FAM217A: variants seen among roughly 807,000 people sequenced by gnomAD.
FAM217A encodes protein FAM217A.
Under a neutral mutation model 18.5 loss-of-function variants are expected in FAM217A, and 13 were observed. The observed-to-expected ratio is 0.70, with a 90% confidence interval of 0.46 to 1.12. The LOEUF is 1.12. Ranked by LOEUF, FAM217A falls within the 50% of genes most tolerant of loss-of-function variation. FAM217A has a pLI of 0.00. For synonymous variants in FAM217A, 161 were observed against 202.8 expected, an observed-to-expected ratio of 0.79 and a Z score of 1.75; for missense variants, 560 against 575.4, an observed-to-expected ratio of 0.97 and a Z score of 0.27.
At chr6:4,079,619 G>GCCCCCCCCCCCCCCCCCCCCC, upstream of FAM217A, 2 of 1,281,930 alleles carry the variant, frequency 1.6e-6, no homozygotes, top group East Asian at 1.2e-4. Flanking sequence ...CCGGGGCCCG[G>GCCCCCCCCCCCCCCCCCCCCC]CCCACCCGCC....
chr6:4,073,036 TC>T (rs1769531477), intron 6 of FAM217A, among the ~76,000 whole-genome samples: 1 of 152,212 alleles, frequency 6.6e-6, no homozygotes, highest in African/African-American at 2.4e-5. Context: ...CCATACTTTA[TC>T]CATCTAAAAC....
Position 4,068,645 on chromosome 6 carries a change from T to C in FAM217A, c.*51A>G, listed in dbSNP as rs1252051367. ...TTGGAATAATTAACCATATCTTAGTTGGGCTTCTTAGAGTAGATGTGTTCA... is the reference window on the plus strand; with the variant it reads ...TTGGAATAATTAACCATATCTTAGTCGGGCTTCTTAGAGTAGATGTGTTCA... On this transcript the variant is annotated 3_prime_UTR_variant, in exon 7 of 7. Transcript: ENST00000274673. 1.3e-6 allele frequency: 2 copies of C among 1,519,616 alleles called. No individual in the cohort carries two copies. The highest frequency in any genetic ancestry group is 4.5e-5 in the Admixed American group (2 of 44,746). The allele number at this position is 1,519,616 out of a possible 1,614,324, so 94.1% of individuals were successfully genotyped here. A position where few individuals can be genotyped will look rare whatever the true frequency, so the allele number is the denominator to read the frequency against.
chr6:4,074,225 A>G lies in FAM217A; in HGVS notation c.159+218T>C, dbSNP rs182970363. Among the ~76,000 whole-genome samples the G allele has an allele frequency of 3.8e-3, 577 of 152,316 alleles. 4 individuals carry two copies. The highest frequency in any genetic ancestry group is 6.4e-3 in the Non-Finnish European group (432 of 68,026). On this transcript the variant is annotated intron_variant, in intron 4 of 6. Coordinates refer to ENST00000274673, the MANE Select transcript of FAM217A (RefSeq NM_173563.3). ...CTAAAAAATACTATACTCAATTTTC[A>G]TTTATATTATTGTTATACTGAAAAA...
intron 6 of FAM217A, among the ~76,000 whole-genome samples, chr6:4,072,948 A>G (rs1769526763): frequency 6.6e-6 from 1 of 152,200 alleles, no homozygotes; most frequent in African/African-American, 2.4e-5. Flanking sequence ...ATGAATTACT[A>G]CATATAAGGA....
In FAM217A at chr6:4,069,027, T is replaced by G; in HGVS notation, c.1196A>C (p.Tyr399Ser). The G allele has an allele frequency of 6.2e-7, 1 of 1,613,886 alleles. No individual in the cohort carries two copies. Among genetic ancestry groups the G allele is most frequent in the Non-Finnish European group, 8.5e-7 (1 of 1,179,958 alleles). The change falls in exon 7 of 7, where the codon TAT becomes TCT. Residue 399 changes from tyrosine (Y) to serine (S), a missense_variant. Physicochemically the swap from Tyr to Ser is moderately radical, Grantham distance 144 (BLOSUM62 -2). Coordinates refer to ENST00000274673, the MANE Select transcript of FAM217A (RefSeq NM_173563.3). ...AATAGAACTTTTGGGATTCTTATCA[T>G]AAGTTTCAATCAATTGTTTTGGGGT... ...SSTPKQLIET[Y>S]DKNPKSSILS...
Position 4,068,727 on chromosome 6 carries a change from T to C in FAM217A, c.1496A>G (p.Asp499Gly), listed in dbSNP as rs371477063. Residue 499 changes from aspartate to glycine, a missense_variant, in exon 7 of 7, where the codon GAT (aspartate) becomes GGT (glycine). Physicochemically the swap from Asp to Gly is moderately conservative, Grantham distance 94. Transcript: ENST00000274673. ...TTGTTCAATGGGTGAGCAGCACTTA[T>C]CCTTAGCAATAAGGGAAGGCGACAA... is the stretch of plus-strand genomic sequence containing the variant. ...NCLSPSLIAK[D>G]KCCSPIEQK 2.4e-5 allele frequency: 38 copies of C among 1,609,468 alleles called. No homozygotes were observed. The highest frequency in any genetic ancestry group is 9.6e-5 in the African/African-American group (7 of 72,984).
intron 6 of FAM217A, among the ~76,000 whole-genome samples, chr6:4,070,885 C>T (rs1298059805): frequency 6.6e-6 from 1 of 151,856 alleles, no homozygotes; most frequent in East Asian, 1.9e-4. Context: ...AGTCCCTGCT[C>T]CTCTGGAGGC....
chr6:4,074,862 A>G (rs1406617425), intron 2 of FAM217A, among the ~76,000 whole-genome samples: 1 of 152,164 alleles, frequency 6.6e-6, no homozygotes, highest in African/African-American at 2.4e-5. Flanking sequence ...GATAATGCCT[A>G]TTGTTGAGGA....
intron 6 of FAM217A, among the ~76,000 whole-genome samples, chr6:4,071,219 TGGAGG>T (rs1769389810): frequency 6.6e-6 from 1 of 152,116 alleles, no homozygotes. Context: ...ATACCTACCT[TGGAGG>T]TAGTCTGAGA....
chr6:4,083,842 C>T (rs577141003), upstream of FAM217A, among the ~76,000 whole-genome samples: 9 of 152,330 alleles, frequency 5.9e-5, no homozygotes, highest in African/African-American at 2.2e-4. Flanking sequence ...CTGTGAGCCA[C>T]TGTGCCCCAG....
At chr6:4,079,600 C>T, upstream of FAM217A, 2 of 1,288,334 alleles carry the variant, frequency 1.6e-6, no homozygotes, top group South Asian at 2.5e-5. Flanking sequence ...GCCAGTGGGC[C>T]TCTGGGACCC....
chr6:4,079,652 T>TGCTCACATCAAGCCAGGAGCACCGCCC (rs1328294857), upstream of FAM217A: 1 of 1,232,264 alleles, frequency 8.1e-7, no homozygotes, highest in Admixed American at 2.3e-5. Context: ...TCCCACCGCC[T>TGCTCACATCAAGCCAGGAGCACCGCCC]GCTCACATCA....
Position 4,069,293 on chromosome 6 carries a change from C to G in FAM217A, c.930G>C (p.Thr310=), listed in dbSNP as rs750440150. The G allele has an allele frequency of 6.2e-7, 1 of 1,613,984 alleles. No homozygotes were observed. Among genetic ancestry groups the G allele is most frequent in the Non-Finnish European group, 8.5e-7 (1 of 1,179,994 alleles). ...TIQKERPRLQ[T]TFCTPAVTER... ...CAGTAACTGCTGGAGTACAGAAAGT[C>G]GTTTGTAGTCTTGGCCTCTCTTTTT... The change falls in exon 7 of 7, where the codon ACG becomes ACC. Residue 310 remains threonine, a synonymous_variant. Transcript: ENST00000274673.
At chr6:4,073,996 A>G (rs1033389783) in intron 4 of FAM217A, among the ~76,000 whole-genome samples, 1 of 152,004 alleles carries the variant, frequency 6.6e-6, no homozygotes, top group African/African-American at 2.4e-5. Flanking sequence ...GACTACAGCT[A>G]TGTGCCACCA....
At chr6:4,081,395 C>A (rs1352289430), upstream of FAM217A, among the ~76,000 whole-genome samples, 2 of 151,252 alleles carry the variant, frequency 1.3e-5, no homozygotes, top group African/African-American at 4.9e-5. Flanking sequence ...CCTCTGCCTC[C>A]CAGGTTCAAG....
rs1208431559 is a variant in FAM217A, at chr6:4,073,442, T to C, written c.225A>G (p.Lys75=). ...LEPNLSVHSQ[K]STQNSKQGIF... The stretch of plus-strand genomic sequence containing the variant: ...AAGAATAAAATCCCACCTGTGTACT[T>C]TTTTGACTATGCACCGACAAATTAG... Residue 75 remains lysine (K), a synonymous_variant, in exon 5 of 7, where the codon AAA becomes AAG. Transcript: ENST00000274673. 6.2e-7 allele frequency: 1 copy of C among 1,613,052 alleles called. No homozygotes were observed. The highest frequency in any genetic ancestry group is 2.2e-5 in the East Asian group (1 of 44,738).
intron 6 of FAM217A, among the ~76,000 whole-genome samples, chr6:4,072,092 C>T (rs964358144): frequency 1.3e-5 from 2 of 152,160 alleles, no homozygotes; most frequent in East Asian, 1.9e-4. Flanking sequence ...CCCGTAATCC[C>T]AGCACTTTGG....
At chr6:4,072,130 C>T (rs1436352276) in intron 6 of FAM217A, among the ~76,000 whole-genome samples, 1 of 151,404 alleles carries the variant, frequency 6.6e-6, no homozygotes, top group Non-Finnish European at 1.5e-5. Context: ...ATCACAAGGT[C>T]AGGAGTTCAA....
intron 1 of FAM217A, among the ~76,000 whole-genome samples, chr6:4,085,928 A>T (rs1459330686): frequency 6.6e-6 from 1 of 150,606 alleles, no homozygotes; most frequent in African/African-American, 2.4e-5. Flanking sequence ...AGGGTAACAT[A>T]GCGAGACCCT....
Sources: allele counts gnomAD v4.1 joint callset (sites outside exome capture counted in the v4.1 genomes callset), GRCh38; gene constraint gnomAD v4.1.1; transcripts MANE v1.5; gene names NCBI Gene and HGNC (gene_info 2026-07-23, HGNC 2026-07-21).